Variants in EIF4G3 observed in about 807,000 individuals in gnomAD.
The protein encoded by EIF4G3 is eukaryotic translation initiation factor 4 gamma 3, also known as eIF-4-gamma 3.
In EIF4G3, 34 loss-of-function variants were observed where a neutral mutation model predicts 186.4. That is an observed-to-expected ratio of 0.18 (90% confidence interval 0.14 to 0.24). The LOEUF (loss-of-function observed/expected upper bound fraction) is 0.24, where lower values mean the gene tolerates loss of function less well. EIF4G3 is among the 10% of genes least tolerant of loss of function. EIF4G3 has a pLI of 1.00. For missense variants in EIF4G3, 1,536 were observed against 1,948.5 expected (o/e 0.79, Z 3.99); for synonymous variants, 673 against 679.5 (o/e 0.99, Z 0.15).
intron 10 of EIF4G3, among the ~76,000 whole-genome samples, chr1:20,975,326 A>G (rs1184777170): frequency 1.3e-5 from 2 of 151,758 alleles, no homozygotes; most frequent in East Asian, 1.9e-4. Flanking sequence ...TCACTTCACC[A>G]TATTTTTTGA....
At chr1:20,840,730 C>T in intron 30 of EIF4G3, 126 bp downstream of exon 30, 1 of 811,694 alleles carries the variant, frequency 1.2e-6, no homozygotes. Flanking sequence ...ATCATATCAA[C>T]ATATTACAGT....
rs375971685 is a variant in EIF4G3 at position 20,851,363 on chromosome 1, C to T, written c.3667G>A (p.Glu1223Lys). ...SKDLLDNQSQ[E>K]EQRREMLETV... ...TCCAGCATCTCTCTCCGCTGCTCTT[C>T]TTGAGACTGATTGTCTAGCAGGTCT... Residue 1223 changes from glutamate (E) to lysine (K), a missense_variant, in exon 28 of 37, where the codon GAA (glutamate) becomes AAA (lysine). This residue lies in a region of EIF4G3 where 395 missense variants were observed against 498.9 expected (regional missense o/e 0.79). Coordinates refer to ENST00000602326, the MANE Select transcript of EIF4G3 (RefSeq NM_001391906.1). 2.5e-5 allele frequency: 41 copies of T among 1,614,052 alleles called. No homozygotes were observed. The highest frequency in any genetic ancestry group is 3.1e-5 in the Non-Finnish European group (37 of 1,180,054).
At chr1:20,968,515 A>C (rs1457668398) in intron 12 of EIF4G3, among the ~76,000 whole-genome samples, 1 of 152,104 alleles carries the variant, frequency 6.6e-6, no homozygotes, top group African/African-American at 2.4e-5. Context: ...TGCGGAATCT[A>C]ATCTCTATTA....
intron 29 of EIF4G3, chr1:20,841,295 G>A (rs952221865): frequency 4.1e-6 from 1 of 246,478 alleles, no homozygotes; most frequent in African/African-American, 2.2e-5. Flanking sequence ...TTTTACCAGA[G>A]AACTGTTTTT....
At chr1:20,963,931 CAAAAA>C (rs35997561) in intron 12 of EIF4G3, among the ~76,000 whole-genome samples, 1 of 122,682 alleles carries the variant, frequency 8.2e-6, no homozygotes. Context: ...GACTCCATCT[CAAAAA>C]AAAAAAAAAA....
At position 20,942,176 on chromosome 1, in the gene EIF4G3, A is replaced by G. The variant is rs763539701; in HGVS notation, c.978T>C (p.Thr326=). The change falls in exon 14 of 37, where the codon ACT becomes ACC. Residue 326 remains threonine, a synonymous_variant. Coordinates refer to ENST00000602326, the MANE Select transcript of EIF4G3 (RefSeq NM_001391906.1). ...TTGTACTTCGAGCAACAGAAGAAACAGTGGTAGGTGATGGAGGCAGAGGAA... is the reference window on the plus strand; with the variant it reads ...TTGTACTTCGAGCAACAGAAGAAACGGTGGTAGGTGATGGAGGCAGAGGAA... ...AELPLPPSPT[T]VSSVARSTIA... The G allele has an allele frequency of 2.5e-6, 4 of 1,614,064 alleles. No individual in the cohort carries two copies. Among genetic ancestry groups the G allele is most frequent in the African/African-American group, 2.7e-5 (2 of 74,940 alleles).
chr1:20,900,441 A>G (rs2089898148), intron 15 of EIF4G3, among the ~76,000 whole-genome samples: 1 of 151,952 alleles, frequency 6.6e-6, no homozygotes, highest in African/African-American at 2.4e-5. Context: ...GCCACTTGCT[A>G]GTTAAAATCT....
intron 7 of EIF4G3, among the ~76,000 whole-genome samples, chr1:20,995,489 A>G (rs147419739): frequency 6.6e-5 from 10 of 152,158 alleles, no homozygotes; most frequent in Non-Finnish European, 1.5e-4. Flanking sequence ...CGCTTGCCTC[A>G]GCCTCCCAAG....
intron 3 of EIF4G3, among the ~76,000 whole-genome samples, chr1:21,078,802 T>C (rs995556026): frequency 7.9e-5 from 12 of 152,062 alleles, no homozygotes; most frequent in African/African-American, 2.7e-4. Flanking sequence ...CTGGCCGATA[T>C]GGTGAAACCC....
At chr1:20,817,639 C>T (rs2061392406) in intron 33 of EIF4G3, 101 bp from the exon 34 acceptor site, 1 of 582,864 alleles carries the variant, frequency 1.7e-6, no homozygotes, top group Admixed American at 4.4e-5. Flanking sequence ...TTCTATTTTA[C>T]ATGGAATCAA....
chr1:21,018,394 A>G (rs1231516940), intron 4 of EIF4G3, among the ~76,000 whole-genome samples: 4 of 152,030 alleles, frequency 2.6e-5, no homozygotes, highest in Non-Finnish European at 5.9e-5. Flanking sequence ...AGCCTGGCCA[A>G]CACAGTCTCT....
At chr1:20,994,365 T>C (rs1011230230) in intron 7 of EIF4G3, among the ~76,000 whole-genome samples, 6 of 152,198 alleles carry the variant, frequency 3.9e-5, no homozygotes, top group African/African-American at 1.2e-4. Context: ...TTCTCCTCTA[T>C]TCAAGGTAAT....
rs552005007 is a variant in EIF4G3, at chr1:20,831,841, G to A, written c.4062-2569C>T. 4.4e-3 allele frequency among the ~76,000 whole-genome samples: 637 copies of A among 143,866 alleles called. 3 individuals carry two copies. The highest frequency in any genetic ancestry group is 0.014 in the Middle Eastern group (4 of 278). 94.4% of individuals were successfully genotyped at this position (143,866 alleles called of 152,430 possible). On this transcript the variant is annotated intron_variant, in intron 30 of 36. Coordinates refer to ENST00000602326, the MANE Select transcript of EIF4G3 (RefSeq NM_001391906.1). ...ATCTCATTGTTCAATTCCCACCTAT[G>A]AGTGAGAATATGCGGTGTTTGGTTT...
chr1:20,925,012 C>T (rs1244801210), intron 14 of EIF4G3, among the ~76,000 whole-genome samples: 2 of 152,248 alleles, frequency 1.3e-5, no homozygotes, highest in Non-Finnish European at 2.9e-5. Flanking sequence ...CTTGTCTTCC[C>T]CATCTTGCTC....
chr1:20,971,437 C>T (rs2075864460), intron 11 of EIF4G3, among the ~76,000 whole-genome samples: 1 of 152,126 alleles, frequency 6.6e-6, no homozygotes, highest in Non-Finnish European at 1.5e-5. Flanking sequence ...GGTTTCATTT[C>T]TTCTATTCAT....
chr1:21,015,172 A>T (rs2088569934), intron 4 of EIF4G3, among the ~76,000 whole-genome samples: 1 of 152,194 alleles, frequency 6.6e-6, no homozygotes, highest in South Asian at 2.1e-4. Flanking sequence ...AGTCTCTAAT[A>T]ACAGAACAAA....
intron 12 of EIF4G3, among the ~76,000 whole-genome samples, chr1:20,966,417 T>C (rs1048265397): frequency 1.3e-5 from 2 of 152,152 alleles, no homozygotes; most frequent in African/African-American, 4.8e-5. Flanking sequence ...ATTTATAACT[T>C]GCAGCTTTTT....
intron 4 of EIF4G3, among the ~76,000 whole-genome samples, chr1:21,016,253 T>G (rs182264310): frequency 1.3e-5 from 2 of 152,282 alleles, no homozygotes; most frequent in East Asian, 3.9e-4. Flanking sequence ...TTACATGAAA[T>G]CCCTCTGATA....
intron 23 of EIF4G3, among the ~76,000 whole-genome samples, chr1:20,861,395 A>G (rs35773279): frequency 2.0e-5 from 3 of 152,300 alleles, no homozygotes; most frequent in East Asian, 3.9e-4. Flanking sequence ...AAACAAAAAA[A>G]CAAAAAAACA....
Sources: gnomAD v4.1 joint callset for allele counts (sites outside exome capture counted in the v4.1 genomes callset) on GRCh38, gnomAD v4.1.1 for gene constraint, gnomAD v4.1.1 regional missense constraint, MANE v1.5 for transcripts, NCBI Gene and HGNC (gene_info 2026-07-23, HGNC 2026-07-21) for gene names.